Variants in TVP23B observed in about 807,000 individuals in gnomAD.
TVP23B encodes the protein Golgi apparatus membrane protein TVP23 homolog B.
TVP23B carries 10 observed loss-of-function variants against 30.6 expected under a neutral mutation model. The ratio of observed to expected loss-of-function variants is 0.33; its 90% CI spans 0.20 to 0.55. The LOEUF (loss-of-function observed/expected upper bound fraction) is 0.55, where lower values mean the gene tolerates loss of function less well. Among genes scored for constraint, TVP23B ranks in the 20% least tolerant of loss-of-function variants. TVP23B has a pLI of 0.91. For synonymous variants in TVP23B, 67 were observed against 83.1 expected, an observed-to-expected ratio of 0.81 and a Z score of 1.06; for missense variants, 153 against 243.2, an observed-to-expected ratio of 0.63 and a Z score of 2.47.
At chr17:18,801,938 A>AGACC (rs1856260984) in intron 5 of TVP23B, among the ~76,000 whole-genome samples, 2 of 152,144 alleles carry the variant, frequency 1.3e-5, no homozygotes, top group Admixed American at 6.5e-5. Context: ...AAATGGGTTA[A>AGACC]GACCTCGGCA....
intron 5 of TVP23B, among the ~76,000 whole-genome samples, chr17:18,799,481 T>A (rs564193804): frequency 6.6e-6 from 1 of 152,314 alleles, no homozygotes; most frequent in East Asian, 1.9e-4. Flanking sequence ...GGCAGCCCAG[T>A]ACTTCACTTG....
intron 1 of TVP23B, among the ~76,000 whole-genome samples, chr17:18,784,142 C>G (rs2035863062): frequency 2.1e-5 from 2 of 96,206 alleles, no homozygotes; most frequent in South Asian, 5.7e-4. Flanking sequence ...CAGACTCCGT[C>G]TCAAAACAAA....
intron 1 of TVP23B, among the ~76,000 whole-genome samples, chr17:18,785,243 CT>C (rs1261367673): frequency 6.6e-6 from 1 of 152,204 alleles, no homozygotes; most frequent in East Asian, 1.9e-4. Flanking sequence ...CCTTTCAACG[CT>C]TTTTGGTTTT....
At chr17:18,785,189 G>A (rs1293319583) in intron 1 of TVP23B, among the ~76,000 whole-genome samples, 1 of 152,116 alleles carries the variant, frequency 6.6e-6, no homozygotes, top group East Asian at 1.9e-4. Flanking sequence ...TAACAGGTGA[G>A]TCAGAACATG....
chr17:18,804,002 C>T (rs1420893298), intron 5 of TVP23B, 136 bp from the exon 6 acceptor site: 2 of 607,384 alleles, frequency 3.3e-6, no homozygotes, highest in Non-Finnish European at 6.1e-6. Flanking sequence ...TGGAAAATCT[C>T]AACTGGCACA....
intron 1 of TVP23B, among the ~76,000 whole-genome samples, chr17:18,787,005 A>G (rs2035917568): frequency 6.7e-6 from 1 of 148,512 alleles, no homozygotes; most frequent in Non-Finnish European, 1.5e-5. Context: ...AGTCAGCTGT[A>G]TATTATCGTC....
At chr17:18,791,091 T>C in intron 3 of TVP23B, 51 bp downstream of exon 3, 2 of 1,525,938 alleles carry the variant, frequency 1.3e-6, no homozygotes, top group Non-Finnish European at 8.7e-7. Flanking sequence ...GAAAATGATG[T>C]ATAAAAATAT....
intron 5 of TVP23B, among the ~76,000 whole-genome samples, chr17:18,801,575 G>A (rs572246331): frequency 3.5e-3 from 536 of 151,750 alleles, no homozygotes; most frequent in African/African-American, 0.013. Flanking sequence ...TCTTGGCTGG[G>A]CTGCCTGGTT....
At chr17:18,792,643 G>A (rs1202020642) in intron 3 of TVP23B, among the ~76,000 whole-genome samples, 4 of 152,062 alleles carry the variant, frequency 2.6e-5, no homozygotes, top group Non-Finnish European at 4.4e-5. Context: ...AAATTTTTCT[G>A]GGTTTAGAGT....
At chr17:18,784,431 G>T (rs2035868959) in intron 1 of TVP23B, among the ~76,000 whole-genome samples, 1 of 152,054 alleles carries the variant, frequency 6.6e-6, no homozygotes, top group African/African-American at 2.4e-5. Flanking sequence ...TGGATCATGA[G>T]GTCAAGAGAT....
chr17:18,781,386 C>G (rs2035804856), intron 1 of TVP23B, 81 bp downstream of exon 1: 1 of 1,534,538 alleles, frequency 6.5e-7, no homozygotes, highest in Non-Finnish European at 8.8e-7. Flanking sequence ...AGCCCGCGTC[C>G]CCCGCGCCCG....
intron 5 of TVP23B, among the ~76,000 whole-genome samples, chr17:18,803,287 A>T (rs963482663): frequency 6.6e-5 from 10 of 152,118 alleles, no homozygotes; most frequent in Non-Finnish European, 1.5e-4. Flanking sequence ...TTGCCCACTT[A>T]TATATTGTCT....
chr17:18,795,016 C>CTTT (rs781620472), intron 3 of TVP23B, among the ~76,000 whole-genome samples: 2 of 46,220 alleles, frequency 4.3e-5, no homozygotes, highest in African/African-American at 1.7e-4. Context: ...CATCTCAAAT[C>CTTT]TTTTTTTTTT....
In TVP23B at chr17:18,805,602, A is replaced by C. The variant is rs1213289427; in HGVS notation, c.*35A>C. 1 of 1,600,142 alleles carries C rather than the reference A, an allele frequency of 6.2e-7. No homozygotes were observed. Among genetic ancestry groups the C allele is most frequent in the Non-Finnish European group, 8.5e-7 (1 of 1,175,680 alleles). On this transcript the variant is annotated 3_prime_UTR_variant, in exon 7 of 7. Transcript: ENST00000307767. The stretch of plus-strand genomic sequence containing the variant: ...GCTTATGTGCTTTGTTACATTGGGG[A>C]ACAACTGAAGAGATTCTTGACTCAA...
chr17:18,785,385 CTTTT>C (rs61537943), intron 1 of TVP23B, among the ~76,000 whole-genome samples: 4 of 137,802 alleles, frequency 2.9e-5, no homozygotes, highest in Non-Finnish European at 6.2e-5. Flanking sequence ...AGCTATTTGT[CTTTT>C]TTTTTTTTTT....
intron 1 of TVP23B, among the ~76,000 whole-genome samples, chr17:18,786,473 GA>G (rs1397250069): frequency 6.6e-6 from 1 of 151,252 alleles, no homozygotes; most frequent in African/African-American, 2.4e-5. Flanking sequence ...GATTTGATGT[GA>G]AAAAGTCTCC....
At chr17:18,799,091 C>T in intron 5 of TVP23B, 148 bp downstream of exon 5, 1 of 879,122 alleles carries the variant, frequency 1.1e-6, no homozygotes, top group Admixed American at 3.2e-5. Context: ...TGCTTCCCAA[C>T]TTTACCTTTC....
intron 1 of TVP23B, among the ~76,000 whole-genome samples, chr17:18,783,447 G>A (rs1209116279): frequency 6.6e-6 from 1 of 152,142 alleles, no homozygotes; most frequent in Non-Finnish European, 1.5e-5. Flanking sequence ...AACCTCAGTC[G>A]AGCCCTTAGT....
intron 1 of TVP23B, among the ~76,000 whole-genome samples, chr17:18,783,372 C>T (rs796239355): frequency 5.9e-5 from 9 of 152,308 alleles, no homozygotes; most frequent in African/African-American, 2.2e-4. Context: ...TTCCAAAGTG[C>T]TAGGATTACA....
Sources: gnomAD v4.1 joint callset for allele counts (sites outside exome capture counted in the v4.1 genomes callset) on GRCh38, gnomAD v4.1.1 for gene constraint, MANE v1.5 for transcripts, NCBI Gene and HGNC (gene_info 2026-07-23, HGNC 2026-07-21) for gene names.